The following IMMP2L variants were observed in gnomAD, a reference collection of about 807,000 sequenced individuals.
The protein encoded by IMMP2L is inner mitochondrial membrane peptidase subunit 2, also known as mitochondrial inner membrane protease subunit 2.
In IMMP2L, 18 loss-of-function variants were observed where a neutral mutation model predicts 19.3. The observed-to-expected ratio is 0.93, with a 90% CI of 0.64 to 1.38. IMMP2L has a LOEUF of 1.38. IMMP2L is among the 40% of genes most tolerant of loss of function. The pLI is 0.00. For missense variants in IMMP2L, 233 were observed against 218.2 expected, an observed-to-expected ratio of 1.07 and a Z score of -0.43; for synonymous variants, 76 against 73.0, an observed-to-expected ratio of 1.04 and a Z score of -0.21.
intron 5 of IMMP2L, among the ~76,000 whole-genome samples, chr7:110,839,926 T>C (rs1804894846): frequency 6.6e-6 from 1 of 152,188 alleles, no homozygotes; most frequent in Non-Finnish European, 1.5e-5. Flanking sequence ...TTCTATCCAC[T>C]GTTTCTCCTT....
chr7:110,916,646 A>C (rs544600186), intron 4 of IMMP2L, among the ~76,000 whole-genome samples: 1 of 152,330 alleles, frequency 6.6e-6, no homozygotes, highest in Non-Finnish European at 1.5e-5. Flanking sequence ...ATAGAACCAA[A>C]GTCTGGCAGG....
intron 3 of IMMP2L, among the ~76,000 whole-genome samples, chr7:111,378,002 T>TAA (rs935334827): frequency 1.3e-5 from 2 of 151,690 alleles, no homozygotes; most frequent in Non-Finnish European, 2.9e-5. Flanking sequence ...GAGAATCCAT[T>TAA]AAAAAAAATC....
intron 4 of IMMP2L, among the ~76,000 whole-genome samples, chr7:110,904,790 G>A (rs918452788): frequency 3.9e-5 from 6 of 152,120 alleles, no homozygotes. Context: ...GCTAAATTGC[G>A]ATTTGTCAGT....
At chr7:111,504,916 G>C (rs1017228247) in intron 2 of IMMP2L, among the ~76,000 whole-genome samples, 2 of 151,706 alleles carry the variant, frequency 1.3e-5, no homozygotes, top group Non-Finnish European at 2.9e-5. Context: ...GCATGGGCAA[G>C]GACTTCATGT....
At chr7:111,338,694 C>A (rs546877963) in intron 3 of IMMP2L, among the ~76,000 whole-genome samples, 1 of 152,184 alleles carries the variant, frequency 6.6e-6, no homozygotes, top group South Asian at 2.1e-4. Flanking sequence ...ATTTCACTAA[C>A]ACTTACTATA....
intron 3 of IMMP2L, among the ~76,000 whole-genome samples, chr7:111,467,602 A>C (rs1297629380): frequency 2.6e-5 from 4 of 152,166 alleles, no homozygotes; most frequent in Non-Finnish European, 2.9e-5. Context: ...AGAGACGGTA[A>C]GGTTAATTAC....
rs552531780 is a variant in IMMP2L at position 111,082,301 on chromosome 7, A to G, written c.240-118736T>C. On this transcript the variant is annotated intron_variant, in intron 3 of 5. Coordinates refer to ENST00000405709, the MANE Select transcript of IMMP2L (RefSeq NM_032549.4). ...GGAATTAAGAATAGGTCAGAAGAACATCTGCTTTTCTTATTTTGATTACGT... is the reference window on the plus strand; with the variant it reads ...GGAATTAAGAATAGGTCAGAAGAACGTCTGCTTTTCTTATTTTGATTACGT... Among the ~76,000 whole-genome samples, 5 of 152,368 alleles carry G rather than the reference A, an allele frequency of 3.3e-5. No individual in the cohort carries two copies. In the East Asian group the frequency reaches 9.6e-4, roughly 29 times the overall value.
intron 3 of IMMP2L, among the ~76,000 whole-genome samples, chr7:111,323,979 C>T (rs1010757716): frequency 1.4e-4 from 22 of 151,774 alleles, no homozygotes; most frequent in Non-Finnish European, 2.9e-4. Flanking sequence ...CATCACACAC[C>T]GGGACCTGTT....
At chr7:111,362,713 G>C (rs1266715988) in intron 3 of IMMP2L, among the ~76,000 whole-genome samples, 2 of 151,996 alleles carry the variant, frequency 1.3e-5, no homozygotes, top group African/African-American at 4.8e-5. Flanking sequence ...CTTGAGTTTA[G>C]GTCATTCACT....
At chr7:111,236,184 G>A (rs1026251794) in intron 3 of IMMP2L, among the ~76,000 whole-genome samples, 1 of 151,402 alleles carries the variant, frequency 6.6e-6, no homozygotes, top group African/African-American at 2.4e-5. Flanking sequence ...CTCATTTTGT[G>A]TCATGGTTTC....
At chr7:110,740,839 A>G (rs1016217901) in intron 5 of IMMP2L, among the ~76,000 whole-genome samples, 2 of 152,074 alleles carry the variant, frequency 1.3e-5, no homozygotes, top group East Asian at 3.9e-4. Context: ...ACTATAGAAA[A>G]TAGTGTGGTG....
chr7:111,108,769 A>G (rs1230453587), intron 3 of IMMP2L, among the ~76,000 whole-genome samples: 1 of 152,200 alleles, frequency 6.6e-6, no homozygotes, highest in Non-Finnish European at 1.5e-5. Context: ...ACATGAGTCA[A>G]TTCAGCATTC....
chr7:110,980,249 T>TTTTTTA (rs1457896351), intron 3 of IMMP2L, among the ~76,000 whole-genome samples: 2 of 148,378 alleles, frequency 1.3e-5, no homozygotes, highest in Non-Finnish European at 3.0e-5. Context: ...TTTTTTTTTT[T>TTTTTTA]AGGAGTCTCG....
intron 3 of IMMP2L, among the ~76,000 whole-genome samples, chr7:111,464,259 A>C (rs553742421): frequency 6.6e-6 from 1 of 152,302 alleles, no homozygotes; most frequent in South Asian, 2.1e-4. Flanking sequence ...GAATCGTTTG[A>C]AGTCAGGAAT....
chr7:110,757,964 G>C lies in IMMP2L; in HGVS notation c.409-94243C>G, dbSNP rs1480958466. ...TGGGAATTCTTGGGTAGAAGTAGGAGTGATGTAGTAAATGAGTTCAGTTTC... is the reference window on the plus strand; with the variant it reads ...TGGGAATTCTTGGGTAGAAGTAGGACTGATGTAGTAAATGAGTTCAGTTTC... On this transcript the variant is annotated intron_variant, in intron 5 of 5. Coordinates refer to ENST00000405709, the MANE Select transcript of IMMP2L (RefSeq NM_032549.4). The surrounding 1 kb of genome is among the most constrained non-coding windows in gnomAD (Gnocchi z 4.2). Among the ~76,000 whole-genome samples, 1 of 152,060 alleles carries C rather than the reference G, an allele frequency of 6.6e-6. No individual in the cohort carries two copies. Among genetic ancestry groups the C allele is most frequent in the African/African-American group, 2.4e-5 (1 of 41,424 alleles).
chr7:111,285,845 G>A (rs959727456), intron 3 of IMMP2L, among the ~76,000 whole-genome samples: 1 of 151,984 alleles, frequency 6.6e-6, no homozygotes, highest in South Asian at 2.1e-4. Flanking sequence ...ATATTCACAG[G>A]GATACTATTA....
intron 3 of IMMP2L, among the ~76,000 whole-genome samples, chr7:111,148,471 C>T (rs1301328805): frequency 2.6e-5 from 4 of 151,948 alleles, no homozygotes; most frequent in Non-Finnish European, 5.9e-5. Context: ...AATATATTAA[C>T]ATTCATGGAA....
chr7:110,897,332 G>C (rs1191004831), intron 4 of IMMP2L, among the ~76,000 whole-genome samples: 2 of 152,058 alleles, frequency 1.3e-5, no homozygotes, highest in Non-Finnish European at 2.9e-5. Flanking sequence ...ATTGAAAATG[G>C]ATAAAAGATA....
In IMMP2L at chr7:110,663,535, C is replaced by T. The variant is rs904933686; in HGVS notation, c.*67G>A. 4 of 1,503,052 alleles carry T rather than the reference C, an allele frequency of 2.7e-6. No homozygotes were observed. Among genetic ancestry groups the T allele is most frequent in the African/African-American group, 1.4e-5 (1 of 72,086 alleles). The allele number at this position is 1,503,052 out of a possible 1,614,324, so 93.1% of individuals were successfully genotyped here. On this transcript the variant is annotated 3_prime_UTR_variant, in exon 6 of 6. Coordinates refer to ENST00000405709, the MANE Select transcript of IMMP2L (RefSeq NM_032549.4). ...GTCAGAAGTTTTTCCCTTTTGGAGG[C>T]TTCTTTTTTCCATTCCTTTCCAGTA...
Sources: gnomAD v4.1 joint callset for allele counts (sites outside exome capture counted in the v4.1 genomes callset) on GRCh38, gnomAD v4.1.1 for gene constraint, Gnocchi (gnomAD v3.1) non-coding constraint, MANE v1.5 for transcripts, NCBI Gene and HGNC (gene_info 2026-07-23, HGNC 2026-07-21) for gene names.